LRRC20: variants seen among roughly 807,000 people sequenced by gnomAD.
The protein encoded by LRRC20 is leucine rich repeat containing 20, also known as leucine-rich repeat-containing protein 20.
A neutral mutation model predicts 14.4 loss-of-function variants in LRRC20; 11 were observed. The ratio of observed to expected loss-of-function variants is 0.77; its 90% CI spans 0.48 to 1.27. LRRC20 has a LOEUF of 1.27. Among genes scored for constraint, LRRC20 ranks in the 50% most tolerant of loss-of-function variants. The probability of loss-of-function intolerance (pLI) is 0.00; values close to 1 mark genes in which losing one functional copy is unlikely to be tolerated. For synonymous variants in LRRC20, 121 were observed against 107.3 expected, an observed-to-expected ratio of 1.13 and a Z score of -0.79; for missense variants, 219 against 251.2, an observed-to-expected ratio of 0.87 and a Z score of 0.87.
chr10:70,346,203 C>T (rs1049921522), intron 2 of LRRC20, among the ~76,000 whole-genome samples: 1 of 152,080 alleles, frequency 6.6e-6, no homozygotes, highest in Non-Finnish European at 1.5e-5. Context: ...TATCACTGCA[C>T]TCCAGCCTAG....
At chr10:70,306,087 G>C (rs1841410431) in intron 4 of LRRC20, among the ~76,000 whole-genome samples, 1 of 143,078 alleles carries the variant, frequency 7.0e-6, no homozygotes. Flanking sequence ...TCTATCATTT[G>C]TGCATGCATT....
chr10:70,326,155 G>A, intron 3 of LRRC20, among the ~76,000 whole-genome samples: 1 of 151,908 alleles, frequency 6.6e-6, no homozygotes, highest in East Asian at 1.9e-4. Flanking sequence ...CACCAATTTT[G>A]CAGCTGGCCC....
Position 70,329,847 on chromosome 10 carries a change from G to A in LRRC20, c.233-5817C>T, listed in dbSNP as rs1244690021. ...CCCAAAGTGCTGGGATTACAGGCGT[G>A]AGCCACCTCGCCCAGCCTAGCCTTT... On this transcript the variant is annotated intron_variant, in intron 3 of 4. Transcript: ENST00000446961. Among the ~76,000 whole-genome samples the A allele has an allele frequency of 3.3e-5, 5 of 152,190 alleles. No individual in the cohort carries two copies. In the East Asian group the frequency reaches 5.8e-4, roughly 18 times the overall value.
At chr10:70,320,185 G>A (rs1374611276) in intron 4 of LRRC20, among the ~76,000 whole-genome samples, 1 of 152,202 alleles carries the variant, frequency 6.6e-6, no homozygotes, top group East Asian at 1.9e-4. Context: ...GGGTGACTGA[G>A]TTGGCTGAGA....
At position 70,370,489 on chromosome 10, in the gene LRRC20, C is replaced by T. The variant is rs186547788; in HGVS notation, c.82+5963G>A. ...AAAAAGCAGGCCAGGCATGGTGGCTCAAGCCTGTAATCCTAGCACTTCGGG... is the reference window on the plus strand; with the variant it reads ...AAAAAGCAGGCCAGGCATGGTGGCTTAAGCCTGTAATCCTAGCACTTCGGG... On this transcript the variant is annotated intron_variant, in intron 2 of 4. Transcript: ENST00000446961. 1.0e-3 allele frequency among the ~76,000 whole-genome samples: 158 copies of T among 152,174 alleles called. 1 individual carries two copies. The highest frequency in any genetic ancestry group is 1.9e-3 in the Non-Finnish European group (127 of 68,024).
intron 4 of LRRC20, among the ~76,000 whole-genome samples, chr10:70,315,256 G>A (rs570489562): frequency 2.0e-5 from 3 of 152,316 alleles, no homozygotes; most frequent in African/African-American, 7.2e-5. Context: ...GCTTGGTGCA[G>A]CTCAGCTCCA....
chr10:70,316,730 C>T (rs1417935498), intron 4 of LRRC20, among the ~76,000 whole-genome samples: 1 of 152,254 alleles, frequency 6.6e-6, no homozygotes, highest in Admixed American at 6.5e-5. Flanking sequence ...TTAATCCCAA[C>T]CTCTCCCTCG....
rs915757996 is a variant in LRRC20, at chr10:70,305,803, T to G, written c.401-4295A>C. 5.3e-5 allele frequency among the ~76,000 whole-genome samples: 8 copies of G among 151,258 alleles called. No homozygotes were observed. The South Asian group carries it at 1.3e-3, about 24-fold the overall frequency. Reference sequence around the variant, plus strand: ...TCACCCAGGCTGGAGTGCAGTGGCGTGATCTCGGCTCACTGCAAGCTCCGC... The same window carrying G: ...TCACCCAGGCTGGAGTGCAGTGGCGGGATCTCGGCTCACTGCAAGCTCCGC... On this transcript the variant is annotated intron_variant, in intron 4 of 4. Transcript: ENST00000446961.
chr10:70,364,829 T>A (rs944026487), intron 2 of LRRC20, among the ~76,000 whole-genome samples: 4 of 152,052 alleles, frequency 2.6e-5, no homozygotes, highest in Non-Finnish European at 5.9e-5. Flanking sequence ...CTCAGGTCCC[T>A]CCCCAGGAGC....
In LRRC20 at chr10:70,340,670, T is replaced by C. The variant is rs1842880502; in HGVS notation, c.115A>G (p.Ile39Val). 3 of 1,614,042 alleles carry C rather than the reference T, an allele frequency of 1.9e-6. No homozygotes were observed. Among genetic ancestry groups the C allele is most frequent in the African/African-American group, 2.7e-5 (2 of 74,902 alleles). ...TTCCGCAGGACCTTGTAGATGCCAA[T>C]GGGAAAGGAGACCAGCTTGCACTCG... is the stretch of plus-strand genomic sequence containing the variant. ...LAECKLVSFPIGIYKVLRNVS... is the reference protein window; with the variant it reads ...LAECKLVSFPVGIYKVLRNVS... The change falls in exon 3 of 5, where the codon ATT becomes GTT. Residue 39 changes from isoleucine (I) to valine (V), a missense_variant. By Grantham distance (29) the Ile-to-Val change is conservative. Transcript: ENST00000446961.
intron 3 of LRRC20, among the ~76,000 whole-genome samples, chr10:70,326,906 G>A (rs111909346): frequency 0.03 from 4,496 of 152,254 alleles, 87 homozygotes; most frequent in Non-Finnish European, 0.042. Flanking sequence ...TGATCCGCCC[G>A]CCTCAGCCTC....
chr10:70,359,103 C>G (rs2137093105), intron 2 of LRRC20, among the ~76,000 whole-genome samples: 1 of 152,288 alleles, frequency 6.6e-6, no homozygotes, highest in South Asian at 2.1e-4. Flanking sequence ...TTACTGCAGC[C>G]TGAAAGAAAC....
At chr10:70,355,072 C>A (rs1359554009) in intron 2 of LRRC20, among the ~76,000 whole-genome samples, 2 of 152,212 alleles carry the variant, frequency 1.3e-5, no homozygotes, top group African/African-American at 4.8e-5. Context: ...AGCCCTCTGT[C>A]AAACAGGAGC....
chr10:70,360,231 GT>G (rs1293112155), intron 2 of LRRC20, among the ~76,000 whole-genome samples: 1 of 152,042 alleles, frequency 6.6e-6, no homozygotes, highest in African/African-American at 2.4e-5. Context: ...TTTTATTTTT[GT>G]TTTTACTAGA....
chr10:70,378,004 G>A (rs1313421207), intron 1 of LRRC20, among the ~76,000 whole-genome samples: 1 of 151,090 alleles, frequency 6.6e-6, no homozygotes, highest in Non-Finnish European at 1.5e-5. Context: ...CATGTGAATA[G>A]GAGATCTAGT....
chr10:70,377,728 G>C (rs1185490859), intron 1 of LRRC20, among the ~76,000 whole-genome samples: 1 of 152,220 alleles, frequency 6.6e-6, no homozygotes, highest in Non-Finnish European at 1.5e-5. Context: ...CCAAGAAAAA[G>C]TTCCCACGTG....
intron 2 of LRRC20, among the ~76,000 whole-genome samples, chr10:70,348,623 C>A (rs1303487815): frequency 1.3e-5 from 2 of 152,162 alleles, no homozygotes; most frequent in Non-Finnish European, 1.5e-5. Context: ...GGGGTCCCAA[C>A]CACTCCACTC....
At chr10:70,354,925 G>A (rs1198992558) in intron 2 of LRRC20, among the ~76,000 whole-genome samples, 1 of 152,160 alleles carries the variant, frequency 6.6e-6, no homozygotes, top group Non-Finnish European at 1.5e-5. Flanking sequence ...CAGCCAGGGG[G>A]AGCTCAGAGA....
chr10:70,309,448 C>T lies in LRRC20; in HGVS notation c.401-7940G>A, dbSNP rs564127283. Among the ~76,000 whole-genome samples the T allele has an allele frequency of 1.2e-4, 18 of 152,354 alleles. No individual in the cohort carries two copies. In the East Asian group the frequency reaches 3.3e-3, roughly 28 times the overall value. ...ATCCCAGAGCCCATACACTTCAACA[C>T]ACAACGCAGAGGGGCAAGGCCAAGG... is the stretch of plus-strand genomic sequence containing the variant. On this transcript the variant is annotated intron_variant, in intron 4 of 4. Transcript: ENST00000446961.
Sources: gnomAD v4.1 joint callset for allele counts (sites outside exome capture counted in the v4.1 genomes callset) on GRCh38, gnomAD v4.1.1 for gene constraint, MANE v1.5 for transcripts, NCBI Gene and HGNC (gene_info 2026-07-23, HGNC 2026-07-21) for gene names.